Variants in PDIA4 observed in about 807,000 individuals in gnomAD.
PDIA4 encodes protein disulfide-isomerase A4.
Under a neutral mutation model 62.1 loss-of-function variants are expected in PDIA4, and 33 were observed. The ratio of observed to expected loss-of-function variants is 0.53; its 90% CI spans 0.40 to 0.71. The LOEUF is 0.71. Among genes scored for constraint, PDIA4 ranks in the 30% least tolerant of loss-of-function variants. The pLI, the probability that PDIA4 is intolerant of heterozygous loss-of-function variation, is 0.00. For synonymous variants in PDIA4, 341 were observed against 324.1 expected, an observed-to-expected ratio of 1.05 and a Z score of -0.56; for missense variants, 804 against 813.6, an observed-to-expected ratio of 0.99 and a Z score of 0.14.
intron 4 of PDIA4, among the ~76,000 whole-genome samples, chr7:149,012,951 T>A (rs539685534): frequency 6.6e-6 from 1 of 152,068 alleles, no homozygotes; most frequent in African/African-American, 2.4e-5. Flanking sequence ...ACACAGCCCA[T>A]TGCCCACAAG....
intron 1 of PDIA4, among the ~76,000 whole-genome samples, chr7:149,026,938 G>A (rs1785103478): frequency 6.6e-6 from 1 of 152,066 alleles, no homozygotes; most frequent in Non-Finnish European, 1.5e-5. Context: ...TGACCGGAAG[G>A]ATAAACTTGC....
Position 149,021,256 on chromosome 7 carries a change from T to C in PDIA4, c.89-109A>G. Reference sequence around the variant, plus strand: ...TTGTAATCCCAGCACTTTGGGAGGCTGAGGTGGGCGGATCACGAGGTCAGG... The same window carrying C: ...TTGTAATCCCAGCACTTTGGGAGGCCGAGGTGGGCGGATCACGAGGTCAGG... On this transcript the variant is annotated intron_variant, in intron 1 of 9. Coordinates refer to ENST00000652332, the MANE Select transcript of PDIA4 (RefSeq NM_004911.5). 4.7e-6 allele frequency: 5 copies of C among 1,056,594 alleles called. No individual in the cohort carries two copies. The South Asian group carries it at 8.1e-5, about 17-fold the overall frequency. 65.5% of individuals were successfully genotyped at this position (1,056,594 alleles called of 1,614,324 possible).
At chr7:149,017,205 CTTTTT>C (rs770541906) in intron 3 of PDIA4, among the ~76,000 whole-genome samples, 4 of 146,216 alleles carry the variant, frequency 2.7e-5, no homozygotes, top group African/African-American at 1.0e-4. Context: ...GCAGCCGCAT[CTTTTT>C]TTTTTTTTCT....
chr7:149,008,183 G>C lies in PDIA4; in HGVS notation c.1107C>G (p.Pro369=), dbSNP rs147619107. The change falls in exon 7 of 10, where the codon CCC becomes CCG. Residue 369 remains proline (P), a synonymous_variant. Transcript: ENST00000652332. ...QPEKFQSKYE[P]RSHMMDVQGS... ...CCTGGACGTCCATCATGTGGCTCCG[G>C]GGCTCATACTTGGACTGGAATTTCT... 106 of 1,613,904 alleles carry C rather than the reference G, an allele frequency of 6.6e-5. No individual in the cohort carries two copies. The African/African-American group carries it at 1.3e-3, about 20-fold the overall frequency.
At chr7:149,011,516 T>G (rs1227908793) in intron 6 of PDIA4, among the ~76,000 whole-genome samples, 1 of 152,176 alleles carries the variant, frequency 6.6e-6, no homozygotes, top group Admixed American at 6.5e-5. Context: ...ACAGTGATAA[T>G]AACTGGAAGA....
intron 1 of PDIA4, among the ~76,000 whole-genome samples, chr7:149,027,401 T>C (rs979346781): frequency 1.3e-5 from 2 of 151,876 alleles, no homozygotes; most frequent in South Asian, 2.1e-4. Flanking sequence ...TTTGAAAGAG[T>C]ATAAAGTTCA....
intron 4 of PDIA4, among the ~76,000 whole-genome samples, chr7:149,014,640 C>A (rs527400889): frequency 1.2e-4 from 19 of 152,316 alleles, no homozygotes; most frequent in African/African-American, 4.6e-4. Flanking sequence ...CCCACTCCGA[C>A]CACCTCTCTT....
At chr7:149,024,847 A>C (rs1824489661) in intron 1 of PDIA4, among the ~76,000 whole-genome samples, 1 of 139,582 alleles carries the variant, frequency 7.2e-6, no homozygotes, top group Non-Finnish European at 1.5e-5. Context: ...AAAAAAGGCC[A>C]GGTGTGATGG....
intron 2 of PDIA4, 45 bp from the exon 3 acceptor site, chr7:149,019,242 T>C (rs755368464): frequency 4.4e-6 from 6 of 1,351,800 alleles, no homozygotes; most frequent in Admixed American, 3.4e-5. Flanking sequence ...ACTGTACCTA[T>C]GGGATTTAAA....
intron 9 of PDIA4, 142 bp downstream of exon 9, chr7:149,004,999 C>A: frequency 1.4e-6 from 1 of 697,714 alleles, no homozygotes; most frequent in Non-Finnish European, 2.6e-6. Flanking sequence ...GTCAGAGTCC[C>A]TCGGGGGTGA....
At chr7:149,021,849 C>A (rs1045817098) in intron 1 of PDIA4, among the ~76,000 whole-genome samples, 2 of 152,162 alleles carry the variant, frequency 1.3e-5, no homozygotes, top group East Asian at 1.9e-4. Context: ...CCACCCTCTG[C>A]GGTCTTCCCG....
chr7:149,017,580 G>A (rs1253978202), intron 3 of PDIA4, among the ~76,000 whole-genome samples: 4 of 149,878 alleles, frequency 2.7e-5, no homozygotes, highest in African/African-American at 4.9e-5. Flanking sequence ...GCAAAACTCC[G>A]TCTCAAAAAT....
At chr7:149,005,484 C>T in intron 8 of PDIA4, 110 bp from the exon 9 acceptor site, 1 of 715,242 alleles carries the variant, frequency 1.4e-6, no homozygotes, top group Non-Finnish European at 2.4e-6. Flanking sequence ...AATGCTCAAA[C>T]CCTGGATTTA....
At chr7:149,028,290 C>T in intron 1 of PDIA4, 31 bp downstream of exon 1, 1 of 1,487,352 alleles carries the variant, frequency 6.7e-7, no homozygotes, top group Non-Finnish European at 9.0e-7. Context: ...CCCGCAAGCA[C>T]AGCCCGACCC....
intron 7 of PDIA4, 28 bp from the exon 8 acceptor site, chr7:149,006,081 G>A: frequency 1.3e-6 from 2 of 1,534,042 alleles, no homozygotes; most frequent in South Asian, 2.6e-5. Flanking sequence ...CAGGTGAGGG[G>A]GCCCACCATC....
chr7:149,014,067 C>G (rs897051192), intron 4 of PDIA4, among the ~76,000 whole-genome samples: 2 of 152,192 alleles, frequency 1.3e-5, no homozygotes, highest in African/African-American at 4.8e-5. Flanking sequence ...CTCTAACCAC[C>G]CACCTGACTT....
intron 6 of PDIA4, among the ~76,000 whole-genome samples, chr7:149,009,847 G>A (rs1823885455): frequency 6.6e-6 from 1 of 152,224 alleles, no homozygotes; most frequent in Admixed American, 6.5e-5. Context: ...AGATTCTACA[G>A]GTAAATGCAC....
rs563714794 is a variant in PDIA4 at position 149,013,616 on chromosome 7, G to C, written c.615-1256C>G. Among the ~76,000 whole-genome samples the C allele has an allele frequency of 1.2e-3, 188 of 152,170 alleles. 1 individual carries two copies. The highest frequency in any genetic ancestry group is 0.011 in the South Asian group (54 of 4,824). On this transcript the variant is annotated intron_variant, in intron 4 of 9. Transcript: ENST00000652332. ...TGAGCCCAGGAGTTCAAGGCGTAGT[G>C]AACTATGATGGTGCCACTGTACTCC...
intron 7 of PDIA4, among the ~76,000 whole-genome samples, chr7:149,006,845 T>C (rs942463422): frequency 1.3e-5 from 2 of 152,202 alleles, no homozygotes; most frequent in Admixed American, 1.3e-4. Context: ...GACATGGCGC[T>C]GCGTGCACTT....
Sources: gnomAD v4.1 joint callset for allele counts (sites outside exome capture counted in the v4.1 genomes callset) on GRCh38, gnomAD v4.1.1 for gene constraint, MANE v1.5 for transcripts, NCBI Gene and HGNC (gene_info 2026-07-23, HGNC 2026-07-21) for gene names.